Variants in HIPK3 observed in about 807,000 individuals in gnomAD.
The protein encoded by HIPK3 is homeodomain-interacting protein kinase 3.
In HIPK3, 47 loss-of-function variants were observed where a neutral mutation model predicts 124.2. The ratio of observed to expected loss-of-function variants is 0.38; its 90% CI spans 0.30 to 0.48. The LOEUF is 0.48. Ranked by LOEUF, HIPK3 falls within the 20% of genes least tolerant of loss-of-function variation. The pLI is 0.98. For missense variants in HIPK3, 1,286 were observed against 1,454.3 expected (o/e 0.88, Z 1.88); for synonymous variants, 482 against 515.2 (o/e 0.94, Z 0.87).
At chr11:33,298,429 C>G (rs914010404) in intron 2 of HIPK3, among the ~76,000 whole-genome samples, 1 of 152,238 alleles carries the variant, frequency 6.6e-6, no homozygotes, top group Non-Finnish European at 1.5e-5. Flanking sequence ...TTTGCTAACA[C>G]AACATCCATT....
chr11:33,312,946 G>A (rs978184927), intron 2 of HIPK3, among the ~76,000 whole-genome samples: 1 of 152,104 alleles, frequency 6.6e-6, no homozygotes, highest in African/African-American at 2.4e-5. Context: ...TGCCAGAGTT[G>A]GGATTTGAAT....
chr11:33,293,406 T>C (rs1481958707), intron 2 of HIPK3, among the ~76,000 whole-genome samples: 3 of 152,176 alleles, frequency 2.0e-5, no homozygotes. Context: ...CGTGTGCCTT[T>C]TAGCCATTGT....
chr11:33,302,590 C>T (rs1050761269), intron 2 of HIPK3, among the ~76,000 whole-genome samples: 1 of 152,100 alleles, frequency 6.6e-6, no homozygotes, highest in Non-Finnish European at 1.5e-5. Context: ...CCCACCTTGG[C>T]CTCCCAAGTG....
At chr11:33,316,052 G>A (rs534170685) in intron 2 of HIPK3, among the ~76,000 whole-genome samples, 4 of 152,024 alleles carry the variant, frequency 2.6e-5, no homozygotes, top group South Asian at 4.2e-4. Context: ...GGATAGTTGC[G>A]GTTATAGAGT....
chr11:33,286,391 C>CT (rs34512764), intron 1 of HIPK3, 22 bp from the exon 2 acceptor site: 17,590 of 1,158,706 alleles, frequency 0.015, 15 homozygotes, highest in Non-Finnish European at 0.017. Flanking sequence ...TTTTCTTTTC[C>CT]TTTTTTTTTT....
rs899575402 is a variant in HIPK3 at position 33,354,248 on chromosome 11, A to G, written c.*680A>G. 5 of 152,632 alleles carry G rather than the reference A, an allele frequency of 3.3e-5. No individual in the cohort carries two copies. The allele number at this position is 152,632 out of a possible 1,614,324, so 9.5% of individuals were successfully genotyped here. A position where few individuals can be genotyped will look rare whatever the true frequency, so the allele number is the denominator to read the frequency against. On this transcript the variant is annotated 3_prime_UTR_variant, in exon 17 of 17. Transcript: ENST00000303296. The stretch of plus-strand genomic sequence containing the variant: ...ATGTTCATTTTTGTTTTTGTGTGGT[A>G]TGATTTCAGGTAGTAGCTGTTTTTT...
chr11:33,289,783 C>T (rs1392404010), intron 2 of HIPK3, among the ~76,000 whole-genome samples: 1 of 152,026 alleles, frequency 6.6e-6, no homozygotes, highest in Non-Finnish European at 1.5e-5. Context: ...TTAGTTGGAC[C>T]CCTTAATCAT....
chr11:33,325,557 T>TTA (rs1325285033), intron 2 of HIPK3, among the ~76,000 whole-genome samples: 1 of 152,206 alleles, frequency 6.6e-6, no homozygotes, highest in Non-Finnish European at 1.5e-5. Flanking sequence ...TATATGCTCT[T>TTA]TATAAACTCT....
chr11:33,263,750 C>T (rs1422408312), intron 1 of HIPK3, among the ~76,000 whole-genome samples: 2 of 152,192 alleles, frequency 1.3e-5, no homozygotes, highest in African/African-American at 4.8e-5. Flanking sequence ...GTTTATCATC[C>T]TTGACCTCAG....
intron 1 of HIPK3, among the ~76,000 whole-genome samples, chr11:33,273,537 AAG>A (rs1554961837): frequency 4.0e-5 from 6 of 148,584 alleles, no homozygotes; most frequent in Non-Finnish European, 1.5e-5. Context: ...AAAAAAAAAA[AAG>A]AAGATTTTGG....
chr11:33,351,496 A>G (rs1358478993), intron 14 of HIPK3, 112 bp from the exon 15 acceptor site: 4 of 695,628 alleles, frequency 5.8e-6, no homozygotes, highest in East Asian at 5.4e-5. Context: ...GTAATTATAT[A>G]TAAAATAACT....
At chr11:33,318,144 G>T (rs1056163091) in intron 2 of HIPK3, among the ~76,000 whole-genome samples, 1 of 152,144 alleles carries the variant, frequency 6.6e-6, no homozygotes, top group Non-Finnish European at 1.5e-5. Context: ...TAGGTTTAAA[G>T]AAAAAGAGAT....
At chr11:33,336,099 C>T (rs1291016828) in intron 3 of HIPK3, among the ~76,000 whole-genome samples, 3 of 152,080 alleles carry the variant, frequency 2.0e-5, no homozygotes, top group South Asian at 2.1e-4. Context: ...AAAATATAGC[C>T]AGGAGGATGG....
At chr11:33,271,803 A>G (rs985947384) in intron 1 of HIPK3, among the ~76,000 whole-genome samples, 1 of 152,212 alleles carries the variant, frequency 6.6e-6, no homozygotes, top group Non-Finnish European at 1.5e-5. Flanking sequence ...GTATTTAAAA[A>G]AATCTCTTCA....
intron 1 of HIPK3, among the ~76,000 whole-genome samples, chr11:33,263,864 A>G (rs1349711254): frequency 6.6e-6 from 1 of 152,226 alleles, no homozygotes; most frequent in Non-Finnish European, 1.5e-5. Flanking sequence ...AGCTTTTTCT[A>G]CAATTAAAAC....
In HIPK3 at chr11:33,341,082, T is replaced by C. The variant is rs1446170507; in HGVS notation, c.1728T>C (p.Ala576=). ...GACCAGTTGCTTCAAGCAGTACTGCTACACTGACTGCAAATTTTACTAAAA... is the reference window on the plus strand; with the variant it reads ...GACCAGTTGCTTCAAGCAGTACTGCCACACTGACTGCAAATTTTACTAAAA... ...LLRPVASSST[A]TLTANFTKIG... is the part of the protein sequence containing the mutation. Residue 576 remains alanine, a synonymous_variant, in exon 7 of 17, where the codon GCT becomes GCC. Coordinates refer to ENST00000303296, the MANE Select transcript of HIPK3 (RefSeq NM_005734.5). 1.2e-6 allele frequency: 2 copies of C among 1,602,728 alleles called. No individual in the cohort carries two copies. Among genetic ancestry groups the C allele is most frequent in the South Asian group, 2.3e-5 (2 of 87,786 alleles).
chr11:33,305,001 T>C (rs905054600), intron 2 of HIPK3, among the ~76,000 whole-genome samples: 2 of 152,280 alleles, frequency 1.3e-5, no homozygotes, highest in East Asian at 1.9e-4. Context: ...ACCAAAACTT[T>C]TTTTATTTTT....
Position 33,286,509 on chromosome 11 carries a change from G to A in HIPK3, c.95G>A (p.Ser32Asn), listed in dbSNP as rs1289079128. 7 of 1,612,860 alleles carry A rather than the reference G, an allele frequency of 4.3e-6. No individual in the cohort carries two copies. Among genetic ancestry groups the A allele is most frequent in the Non-Finnish European group, 5.9e-6 (7 of 1,179,970 alleles). The change falls in exon 2 of 17, where the codon AGT becomes AAT. Residue 32 changes from serine (S) to asparagine (N), a missense_variant. Ser to Asn is a conservative substitution (Grantham distance 46). Around this residue, in one of 3 missense-constraint regions of HIPK3, gnomAD observed 225 missense variants for 240.3 expected, o/e 0.94. Coordinates refer to ENST00000303296, the MANE Select transcript of HIPK3 (RefSeq NM_005734.5). Reference protein sequence around the residue: ...SVKKLKVEPSSCVFQERNYPR... With the variant: ...SVKKLKVEPSNCVFQERNYPR... Reference sequence around the variant, plus strand: ...AAGAAACTCAAAGTAGAGCCAAGCAGTTGTGTATTCCAGGAAAGAAACTAT... The same window carrying A: ...AAGAAACTCAAAGTAGAGCCAAGCAATTGTGTATTCCAGGAAAGAAACTAT...
chr11:33,289,849 A>G (rs1851653541), intron 2 of HIPK3, among the ~76,000 whole-genome samples: 2 of 152,024 alleles, frequency 1.3e-5, no homozygotes, highest in Admixed American at 6.6e-5. Flanking sequence ...CCATCATTCT[A>G]CTCTATCTCC....
Sources: gnomAD v4.1 joint callset for allele counts (sites outside exome capture counted in the v4.1 genomes callset) on GRCh38, gnomAD v4.1.1 for gene constraint, gnomAD v4.1.1 regional missense constraint, MANE v1.5 for transcripts, NCBI Gene and HGNC (gene_info 2026-07-23, HGNC 2026-07-21) for gene names.